PLEKHA6: variants seen among roughly 807,000 people sequenced by gnomAD.
PLEKHA6 encodes the protein pleckstrin homology domain containing A6, also known as pleckstrin homology domain-containing family A member 6.
A neutral mutation model predicts 116.7 loss-of-function variants in PLEKHA6; 60 were observed. The ratio of observed to expected loss-of-function variants is 0.51; its 90% CI spans 0.42 to 0.64. The LOEUF is 0.64. Among genes scored for constraint, PLEKHA6 ranks in the 30% least tolerant of loss-of-function variants. The probability of loss-of-function intolerance (pLI) is 0.00; values close to 1 mark genes in which losing one functional copy is unlikely to be tolerated. For synonymous variants in PLEKHA6, 489 were observed against 556.1 expected (o/e 0.88, Z 1.70); for missense variants, 1,338 against 1,422.7 (o/e 0.94, Z 0.96).
intron 3 of PLEKHA6, among the ~76,000 whole-genome samples, chr1:204,366,769 G>GA (rs941101133): frequency 6.6e-6 from 1 of 152,106 alleles, no homozygotes; most frequent in Non-Finnish European, 1.5e-5. Flanking sequence ...TTAAAAAAAA[G>GA]AAAAAATAGG....
intron 1 of PLEKHA6, among the ~76,000 whole-genome samples, chr1:204,332,970 C>T (rs1431879869): frequency 6.6e-6 from 1 of 152,202 alleles, no homozygotes; most frequent in Non-Finnish European, 1.5e-5. Flanking sequence ...TGCAGAGTAT[C>T]ATTATCATAA....
At chr1:204,224,347 C>T (rs1206289343) in intron 21 of PLEKHA6, among the ~76,000 whole-genome samples, 3 of 152,020 alleles carry the variant, frequency 2.0e-5, no homozygotes, top group African/African-American at 7.2e-5. Context: ...TCTCCAGACC[C>T]TTATGCATCC....
intron 1 of PLEKHA6, among the ~76,000 whole-genome samples, chr1:204,288,677 G>C (rs1437184578): frequency 6.6e-6 from 1 of 152,246 alleles, no homozygotes; most frequent in Non-Finnish European, 1.5e-5. Context: ...TGTCCAGGTA[G>C]AGTGAACTAA....
intron 17 of PLEKHA6, among the ~76,000 whole-genome samples, chr1:204,232,522 A>T (rs1418371724): frequency 6.6e-6 from 1 of 152,222 alleles, no homozygotes; most frequent in East Asian, 1.9e-4. Flanking sequence ...GATACCCTTG[A>T]AATACAAAGG....
intron 1 of PLEKHA6, among the ~76,000 whole-genome samples, chr1:204,296,682 A>G (rs1670312769): frequency 6.6e-6 from 1 of 152,196 alleles, no homozygotes; most frequent in African/African-American, 2.4e-5. Flanking sequence ...GAAATAGTCC[A>G]GCTCCTGAGC....
chr1:204,378,096 G>A (rs945760760), upstream of PLEKHA6: 2 of 152,350 alleles, frequency 1.3e-5, no homozygotes, highest in Admixed American at 6.5e-5. Context: ...GGAGCCCGGA[G>A]AGCAGAAGCT....
intron 1 of PLEKHA6, among the ~76,000 whole-genome samples, chr1:204,281,781 T>C (rs2102967900): frequency 6.6e-6 from 1 of 151,424 alleles, no homozygotes; most frequent in East Asian, 1.9e-4. Context: ...AAGAAGATGG[T>C]ACCTCCCTGC....
rs1319048035 is a variant in PLEKHA6 at position 204,257,408 on chromosome 1, T to C, written c.1469A>G (p.Asp490Gly). 6.4e-7 allele frequency: 1 copy of C among 1,563,964 alleles called. No individual in the cohort carries two copies. The highest frequency in any genetic ancestry group is 1.4e-5 in the African/African-American group (1 of 73,834). Residue 490 changes from aspartate to glycine, a missense_variant, in exon 9 of 23, where the codon GAC becomes GGC. Coordinates refer to ENST00000272203, the MANE Select transcript of PLEKHA6 (RefSeq NM_014935.5). This position sits in a 1 kb window ranked among gnomAD's most constrained non-coding sequence, Gnocchi z 6.5. The stretch of plus-strand genomic sequence containing the variant: ...ATAGGCAGCAGGGTCAGCATAGATG[T>C]CCTCACTGCGAGGTGGCAGCCGCTC... ...RFERLPPRSE[D>G]IYADPAAYVM...
intron 1 of PLEKHA6, among the ~76,000 whole-genome samples, chr1:204,359,250 G>A (rs546432541): frequency 5.7e-4 from 86 of 151,856 alleles, no homozygotes; most frequent in East Asian, 2.3e-3. Flanking sequence ...CCCTCCCCAC[G>A]CTGAGGAAGG....
chr1:204,271,803 T>G (rs1667479552), intron 3 of PLEKHA6, among the ~76,000 whole-genome samples: 1 of 152,236 alleles, frequency 6.6e-6, no homozygotes, highest in African/African-American at 2.4e-5. Context: ...CAGAATCATC[T>G]GCCCCAGATG....
intron 1 of PLEKHA6, among the ~76,000 whole-genome samples, chr1:204,354,710 G>A (rs769667121): frequency 6.6e-5 from 10 of 152,324 alleles, no homozygotes; most frequent in Non-Finnish European, 1.2e-4. Flanking sequence ...TTCCAGATGA[G>A]CCTTCTCTCC....
intron 1 of PLEKHA6, among the ~76,000 whole-genome samples, chr1:204,344,599 CAAAAAAAA>C (rs58633345): frequency 1.6e-5 from 2 of 121,644 alleles, no homozygotes; most frequent in African/African-American, 3.2e-5. Context: ...GACTCCATCT[CAAAAAAAA>C]AAAAAAAAAA....
At chr1:204,233,171 CTTTT>C (rs144754011) in intron 17 of PLEKHA6, among the ~76,000 whole-genome samples, 18 of 137,108 alleles carry the variant, frequency 1.3e-4, no homozygotes, top group Non-Finnish European at 6.1e-5. Flanking sequence ...TTCTTTCTTT[CTTTT>C]TTTTTCTTTT....
chr1:204,300,396 T>G (rs558103980), intron 1 of PLEKHA6, among the ~76,000 whole-genome samples: 2 of 152,332 alleles, frequency 1.3e-5, no homozygotes, highest in African/African-American at 4.8e-5. Flanking sequence ...TTTCTTCCAC[T>G]GCAGATAATG....
rs2102848818 is a variant in PLEKHA6, at chr1:204,267,498, T to C, written c.257A>G (p.Asp86Gly). The C allele has an allele frequency of 1.2e-6, 2 of 1,614,000 alleles. No individual in the cohort carries two copies. Among genetic ancestry groups the C allele is most frequent in the East Asian group, 4.5e-5 (2 of 44,872 alleles). Residue 86 changes from aspartate to glycine, a missense_variant, in exon 5 of 23, where the codon GAT (aspartate) becomes GGT (glycine). Asp to Gly is a moderately conservative substitution (Grantham distance 94, BLOSUM62 -1). This residue lies in a region of PLEKHA6 where 140 missense variants were observed against 197.4 expected (regional missense o/e 0.71). Coordinates refer to ENST00000272203, the MANE Select transcript of PLEKHA6 (RefSeq NM_014935.5). ...QWNKRWFVLV[D>G]RCLFYYKDEK... ...ACCTTTATAGTAGAAGAGGCAGCGA[T>C]CCACCAGGACGAACCAGCGCTTGTT... is the stretch of plus-strand genomic sequence containing the variant.
At chr1:204,303,190 C>T (rs1344921222) in intron 1 of PLEKHA6, among the ~76,000 whole-genome samples, 2 of 152,172 alleles carry the variant, frequency 1.3e-5, no homozygotes, top group Admixed American at 1.3e-4. Flanking sequence ...ATCTCACACA[C>T]CTTGGCCTGG....
rs1476983106 is a variant in PLEKHA6, at chr1:204,228,494, G to A, written c.2885+234C>T. ...AGGGGAAAAGAAGTCACCAGAGGGC[G>A]AGCCTTCAGTTTTGTCTCGATGGTG... On this transcript the variant is annotated intron_variant, in intron 20 of 22. Coordinates refer to ENST00000272203, the MANE Select transcript of PLEKHA6 (RefSeq NM_014935.5). The surrounding 1 kb of genome is among the most constrained non-coding windows in gnomAD (Gnocchi z 4.0). Among the ~76,000 whole-genome samples the A allele has an allele frequency of 6.6e-6, 1 of 152,138 alleles. No individual in the cohort carries two copies. Among genetic ancestry groups the A allele is most frequent in the Non-Finnish European group, 1.5e-5 (1 of 68,020 alleles).
rs1665812913 is a variant in PLEKHA6, at chr1:204,259,436, G to T, written c.829C>A (p.Pro277Thr). 6.2e-7 allele frequency: 1 copy of T among 1,614,126 alleles called. No individual in the cohort carries two copies. Among genetic ancestry groups the T allele is most frequent in the Non-Finnish European group, 8.5e-7 (1 of 1,180,046 alleles). ...AQPNGWQYHS[P>T]SRPGSTAFPS... ...AAAGCTGTGCTCCCTGGCCGGCTTG[G>T]GGAGTGGTACTGCCAGCCATTGGGC... Residue 277 changes from proline to threonine, a missense_variant, in exon 8 of 23, where the codon CCA becomes ACA. This residue lies in a region of PLEKHA6 where 1,136 missense variants were observed against 1,163.6 expected (regional missense o/e 0.98). Transcript: ENST00000272203. This position sits in a 1 kb window ranked among gnomAD's most constrained non-coding sequence, Gnocchi z 4.6.
In PLEKHA6 at chr1:204,249,191, G is replaced by C. The variant is rs1176934866; in HGVS notation, c.1667C>G (p.Ala556Gly). Residue 556 changes from alanine (A) to glycine (G), a missense_variant, in exon 11 of 23, where the codon GCT becomes GGT. This residue lies in a region of PLEKHA6 where 1,136 missense variants were observed against 1,163.6 expected (regional missense o/e 0.98). Transcript: ENST00000272203. ...EQDRLVQQLR[A>G]EKESLESALM... ...CCACCCCCAGCTTCTCACCTTCTCA[G>C]CTCGGAGCTGCTGCACCAGCCGGTC... 1 of 1,611,992 alleles carries C rather than the reference G, an allele frequency of 6.2e-7. No individual in the cohort carries two copies. Among genetic ancestry groups the C allele is most frequent in the African/African-American group, 1.3e-5 (1 of 74,962 alleles).
Sources: allele counts gnomAD v4.1 joint callset (sites outside exome capture counted in the v4.1 genomes callset), GRCh38; gene constraint gnomAD v4.1.1; regional missense constraint gnomAD v4.1.1; non-coding constraint Gnocchi (gnomAD v3.1); transcripts MANE v1.5; gene names NCBI Gene and HGNC (gene_info 2026-07-23, HGNC 2026-07-21).